Variants in MTUS2 observed in about 807,000 individuals in gnomAD.
MTUS2 encodes the protein microtubule-associated tumor suppressor candidate 2.
A neutral mutation model predicts 114.1 loss-of-function variants in MTUS2; 40 were observed. The ratio of observed to expected loss-of-function variants is 0.35; its 90% CI spans 0.27 to 0.46. The LOEUF is 0.46. Ranked by LOEUF, MTUS2 falls within the 20% of genes least tolerant of loss-of-function variation. The pLI is 1.00. For synonymous variants in MTUS2, 688 were observed against 672.0 expected, an observed-to-expected ratio of 1.02 and a Z score of -0.37; for missense variants, 1,679 against 1,705.4, an observed-to-expected ratio of 0.98 and a Z score of 0.27.
chr13:29,490,527 C>T (rs1881985581), intron 11 of MTUS2, among the ~76,000 whole-genome samples: 1 of 152,272 alleles, frequency 6.6e-6, no homozygotes, highest in Non-Finnish European at 1.5e-5. Context: ...ATAACTCTTA[C>T]ATGACATCTC....
chr13:28,842,152 C>G (rs1034804054), intron 2 of MTUS2, among the ~76,000 whole-genome samples: 1 of 151,880 alleles, frequency 6.6e-6, no homozygotes, highest in Non-Finnish European at 1.5e-5. Context: ...ACATCTAAAA[C>G]GACCTCTCCT....
At chr13:28,936,624 G>A (rs948206074) in intron 2 of MTUS2, among the ~76,000 whole-genome samples, 2 of 152,142 alleles carry the variant, frequency 1.3e-5, no homozygotes, top group Non-Finnish European at 1.5e-5. Flanking sequence ...ACCTCAGTAC[G>A]GAGAATCTGT....
At chr13:29,149,376 T>G (rs953791854) in intron 5 of MTUS2, among the ~76,000 whole-genome samples, 3 of 152,178 alleles carry the variant, frequency 2.0e-5, no homozygotes, top group African/African-American at 7.2e-5. Flanking sequence ...GGGGTTGTTG[T>G]TTGTTTCTTG....
chr13:29,466,510 G>C (rs1879894400), intron 9 of MTUS2, among the ~76,000 whole-genome samples: 1 of 152,118 alleles, frequency 6.6e-6, no homozygotes, highest in Non-Finnish European at 1.5e-5. Flanking sequence ...TTTAAAGTTA[G>C]GTTCTGTAGA....
chr13:29,307,763 C>A, intron 6 of MTUS2: 1 of 1,049,738 alleles, frequency 9.5e-7, no homozygotes, highest in Non-Finnish European at 1.5e-6. Flanking sequence ...GACCTCATGG[C>A]CCACATGTCC....
At chr13:29,058,865 C>T (rs1055872888) in intron 4 of MTUS2, among the ~76,000 whole-genome samples, 2 of 151,974 alleles carry the variant, frequency 1.3e-5, no homozygotes, top group African/African-American at 4.8e-5. Flanking sequence ...GTTAATACTT[C>T]TGGTTATATT....
At chr13:29,413,285 A>G (rs1010072171) in intron 8 of MTUS2, among the ~76,000 whole-genome samples, 4 of 152,230 alleles carry the variant, frequency 2.6e-5, no homozygotes, top group Non-Finnish European at 5.9e-5. Context: ...CACTGGAACT[A>G]TCTCATCTTT....
At chr13:29,232,793 G>A (rs545998733) in intron 5 of MTUS2, among the ~76,000 whole-genome samples, 9 of 152,276 alleles carry the variant, frequency 5.9e-5, no homozygotes, top group African/African-American at 2.2e-4. Context: ...GTTCAGGTAG[G>A]TAGAAAATTC....
chr13:29,466,807 G>T (rs1284714759), intron 9 of MTUS2, among the ~76,000 whole-genome samples: 1 of 150,950 alleles, frequency 6.6e-6, no homozygotes, highest in Non-Finnish European at 1.5e-5. Flanking sequence ...AGCCTGGGAG[G>T]CGGAGTTTGC....
chr13:29,448,935 G>A (rs1321158903), intron 9 of MTUS2, among the ~76,000 whole-genome samples: 1 of 151,822 alleles, frequency 6.6e-6, no homozygotes, highest in Non-Finnish European at 1.5e-5. Context: ...TGTATTTTTA[G>A]TAGAGTTGGG....
chr13:29,036,029 A>G (rs534737919), intron 4 of MTUS2, among the ~76,000 whole-genome samples: 1 of 151,858 alleles, frequency 6.6e-6, no homozygotes, highest in African/African-American at 2.4e-5. Context: ...CTGTAATCCC[A>G]GCTACTCTGG....
intron 5 of MTUS2, among the ~76,000 whole-genome samples, chr13:29,101,727 G>A (rs1294785697): frequency 2.0e-5 from 3 of 152,224 alleles, no homozygotes; most frequent in African/African-American, 7.2e-5. Flanking sequence ...CTTGCCAGGG[G>A]CCCAGGAAAG....
rs1898283348 is a variant in MTUS2 at position 29,281,802 on chromosome 13, T to TC, written c.2745dup (p.Ser916GlnfsTer34). ...CGGCCGGGTGGCCCCTCCAGCATCC[T>TC]CCAGTGTGACAGCACCCCGCAGGAG... On this transcript the variant is annotated frameshift_variant, in exon 6 of 16. Coordinates refer to ENST00000612955, the MANE Select transcript of MTUS2 (RefSeq NM_001033602.4). LOFTEE classifies it high-confidence loss of function. 2 of 1,612,120 alleles carry TC rather than the reference T, an allele frequency of 1.2e-6. No homozygotes were observed. Among genetic ancestry groups the TC allele is most frequent in the Non-Finnish European group, 1.7e-6 (2 of 1,178,462 alleles).
chr13:29,366,174 A>G (rs1593355295), intron 8 of MTUS2, among the ~76,000 whole-genome samples: 1 of 152,198 alleles, frequency 6.6e-6, no homozygotes. Context: ...GCAATTTACA[A>G]AAGAAAGAGG....
At chr13:28,888,198 G>C (rs2935198) in intron 2 of MTUS2, among the ~76,000 whole-genome samples, 37,574 of 152,138 alleles carry the variant, frequency 0.25, 7,391 homozygotes, top group African/African-American at 0.55. Context: ...TGGATTGAAT[G>C]CTTCTGAACC....
chr13:29,210,982 TG>T (rs1895406836), intron 5 of MTUS2, among the ~76,000 whole-genome samples: 1 of 151,938 alleles, frequency 6.6e-6, no homozygotes, highest in Admixed American at 6.6e-5. Context: ...TAATGCCACC[TG>T]GGTGGTAAGT....
chr13:28,960,876 T>C (rs931579693), intron 2 of MTUS2, among the ~76,000 whole-genome samples: 2 of 151,812 alleles, frequency 1.3e-5, no homozygotes, highest in Admixed American at 6.6e-5. Context: ...TCAATAAATA[T>C]ACACAATGTT....
intron 2 of MTUS2, among the ~76,000 whole-genome samples, chr13:28,947,685 C>G (rs1320375590): frequency 6.6e-6 from 1 of 152,192 alleles, no homozygotes; most frequent in East Asian, 1.9e-4. Flanking sequence ...ACTTGTATCT[C>G]CAACACCTTT....
At chr13:29,356,636 G>A (rs1869765761) in intron 7 of MTUS2, among the ~76,000 whole-genome samples, 1 of 152,198 alleles carries the variant, frequency 6.6e-6, no homozygotes, top group Non-Finnish European at 1.5e-5. Context: ...TTGACAGCAC[G>A]AGAAAGAATA....
Sources: gnomAD v4.1 joint callset for allele counts (sites outside exome capture counted in the v4.1 genomes callset) on GRCh38, gnomAD v4.1.1 for gene constraint, MANE v1.5 for transcripts, NCBI Gene and HGNC (gene_info 2026-07-23, HGNC 2026-07-21) for gene names.